The following CNTLN variants were observed in gnomAD, a reference collection of about 807,000 sequenced individuals.
CNTLN encodes centlein.
Under a neutral mutation model 180.0 loss-of-function variants are expected in CNTLN, and 212 were observed. The ratio of observed to expected loss-of-function variants is 1.18; its 90% CI spans 1.05 to 1.32. CNTLN has a LOEUF of 1.32. CNTLN is among the 40% of genes most tolerant of loss of function. The pLI is 0.00. For synonymous variants in CNTLN, 722 were observed against 563.1 expected (o/e 1.28, Z -3.99); for missense variants, 2,095 against 1,610.9 (o/e 1.30, Z -5.14).
intron 15 of CNTLN, among the ~76,000 whole-genome samples, chr9:17,404,744 T>A (rs1447785340): frequency 5.3e-5 from 8 of 150,302 alleles, no homozygotes; most frequent in Non-Finnish European, 8.9e-5. Flanking sequence ...ACAAATTTTT[T>A]TTTTTTTTTT....
At chr9:17,369,979 C>G in intron 13 of CNTLN, among the ~76,000 whole-genome samples, 1 of 148,308 alleles carries the variant, frequency 6.7e-6, no homozygotes, top group African/African-American at 2.5e-5. Context: ...AAGCGAGACT[C>G]CATCTCGAAA....
rs930417869 is a variant in CNTLN, at chr9:17,299,430, G to C, written c.1146+1078G>C. 32 of 973,104 alleles carry C rather than the reference G, an allele frequency of 3.3e-5. No individual in the cohort carries two copies. The African/African-American group carries it at 5.3e-4, about 16-fold the overall frequency. The allele number at this position is 973,104 out of a possible 1,614,324, so 60.3% of individuals were successfully genotyped here. On this transcript the variant is annotated intron_variant, in intron 7 of 25. Coordinates refer to ENST00000380647, the MANE Select transcript of CNTLN (RefSeq NM_017738.4). ...TCATATTATCCCTCTAGAATTACTG[G>C]ATTTTTACTTCTGATCTTACTTTTC...
At chr9:17,472,123 A>G (rs771587681) in intron 23 of CNTLN, among the ~76,000 whole-genome samples, 1 of 152,168 alleles carries the variant, frequency 6.6e-6, no homozygotes, top group Non-Finnish European at 1.5e-5. Context: ...TTGAAGGCAT[A>G]TGGAATATAT....
chr9:17,346,777 A>G (rs1821935905), intron 12 of CNTLN, among the ~76,000 whole-genome samples: 1 of 152,026 alleles, frequency 6.6e-6, no homozygotes, highest in African/African-American at 2.4e-5. Flanking sequence ...AATTTGGGAA[A>G]TTTTTGTCAT....
chr9:17,191,741 G>T (rs1264020556), intron 2 of CNTLN, among the ~76,000 whole-genome samples: 2 of 152,160 alleles, frequency 1.3e-5, no homozygotes, highest in Non-Finnish European at 1.5e-5. Flanking sequence ...CTGAAAATAT[G>T]AAGAGAAATA....
chr9:17,463,103 T>A (rs1273328893), intron 20 of CNTLN, 90 bp downstream of exon 20: 1 of 693,054 alleles, frequency 1.4e-6, no homozygotes, highest in Admixed American at 3.0e-5. Context: ...TGCTAATGTT[T>A]ACGTTTTCCT....
intron 12 of CNTLN, among the ~76,000 whole-genome samples, chr9:17,363,965 T>C (rs1224430251): frequency 6.6e-6 from 1 of 152,196 alleles, no homozygotes; most frequent in African/African-American, 2.4e-5. Context: ...TTTGTTGATA[T>C]GAGAACTCTG....
rs764045613 is a variant in CNTLN at position 17,226,262 on chromosome 9, A to G, written c.509A>G (p.Asp170Gly). ...RKVLEILQVKDAKIQEFEQRE... is the reference protein window; with the variant it reads ...RKVLEILQVKGAKIQEFEQRE... ...GTTCTAGAAATTCTGCAAGTCAAGG[A>G]TGCCAAAATACAAGAATTTGAACAG... The change falls in exon 3 of 26, where the codon GAT becomes GGT. Residue 170 changes from aspartate to glycine, a missense_variant. Coordinates refer to ENST00000380647, the MANE Select transcript of CNTLN (RefSeq NM_017738.4). The G allele has an allele frequency of 1.3e-6, 2 of 1,576,830 alleles. No homozygotes were observed. Among genetic ancestry groups the G allele is most frequent in the Non-Finnish European group, 1.7e-6 (2 of 1,162,452 alleles).
Position 17,366,655 on chromosome 9 carries a change from A to C in CNTLN, c.1925A>C (p.His642Pro), listed in dbSNP as rs200866850. 1.9e-6 allele frequency: 3 copies of C among 1,584,824 alleles called. No homozygotes were observed. Among genetic ancestry groups the C allele is most frequent in the Non-Finnish European group, 2.6e-6 (3 of 1,159,216 alleles). Residue 642 changes from histidine to proline, a missense_variant, in exon 13 of 26, where the codon CAT becomes CCT. Physicochemically the swap from His to Pro is moderately conservative, Grantham distance 77. Transcript: ENST00000380647. ...GAAGAATTAGATGAACTTAAAGTACATATATCTATTGATAAGGCAGCAATA... is the reference window on the plus strand; with the variant it reads ...GAAGAATTAGATGAACTTAAAGTACCTATATCTATTGATAAGGCAGCAATA... ...LEEELDELKVHISIDKAAIQE... is the reference protein window; with the variant it reads ...LEEELDELKVPISIDKAAIQE...
the CNTLN span, among the ~76,000 whole-genome samples, chr9:17,509,509 G>A: frequency 8.2e-3 from 1,247 of 152,314 alleles, 9 homozygotes; most frequent in African/African-American, 0.029. Context: ...CAATGGGCCT[G>A]TGCTCATGAA....
At chr9:17,233,209 T>G (rs1824919942) in intron 3 of CNTLN, among the ~76,000 whole-genome samples, 1 of 152,102 alleles carries the variant, frequency 6.6e-6, no homozygotes, top group Non-Finnish European at 1.5e-5. Flanking sequence ...ACATTTTACT[T>G]CATGACCCAT....
chr9:17,402,184 G>C (rs559912975), intron 15 of CNTLN, among the ~76,000 whole-genome samples: 3 of 151,930 alleles, frequency 2.0e-5, no homozygotes, highest in African/African-American at 7.3e-5. Flanking sequence ...CTGGGAAGAG[G>C]CTGCAGCAGT....
intron 2 of CNTLN, among the ~76,000 whole-genome samples, chr9:17,147,630 G>T (rs2131475504): frequency 6.6e-6 from 1 of 151,750 alleles, no homozygotes; most frequent in Non-Finnish European, 1.5e-5. Context: ...TGCTGCTGTT[G>T]TTTCCCATGC....
intron 7 of CNTLN, chr9:17,301,339 T>G: frequency 1.0e-6 from 1 of 985,372 alleles, no homozygotes. Context: ...CTTCCAAGAA[T>G]CATTATAGAA....
chr9:17,271,533 A>C (rs1827944608), intron 5 of CNTLN, among the ~76,000 whole-genome samples: 1 of 152,178 alleles, frequency 6.6e-6, no homozygotes, highest in South Asian at 2.1e-4. Flanking sequence ...AACTTGTTCT[A>C]GTATTTTCTA....
At chr9:17,215,358 A>C (rs1823664414) in intron 2 of CNTLN, among the ~76,000 whole-genome samples, 1 of 152,248 alleles carries the variant, frequency 6.6e-6, no homozygotes, top group Non-Finnish European at 1.5e-5. Context: ...CGGAGGCTGC[A>C]GAACAGCGAA....
At chr9:17,453,367 T>G (rs192175205) in intron 18 of CNTLN, among the ~76,000 whole-genome samples, 1 of 152,222 alleles carries the variant, frequency 6.6e-6, no homozygotes, top group East Asian at 1.9e-4. Context: ...GAATACAAAA[T>G]TATGGATAAA....
the CNTLN span, among the ~76,000 whole-genome samples, chr9:17,522,880 C>A: frequency 0.011 from 1,659 of 151,778 alleles, 19 homozygotes; most frequent in Non-Finnish European, 0.018. Flanking sequence ...TTCCTGTCTA[C>A]TTCTCCAAGT....
intron 13 of CNTLN, among the ~76,000 whole-genome samples, chr9:17,380,363 C>G (rs1022963442): frequency 1.3e-5 from 2 of 152,138 alleles, no homozygotes; most frequent in South Asian, 4.1e-4. Flanking sequence ...TCGAGAAACA[C>G]CTAAGCAAGC....
Sources: allele counts gnomAD v4.1 joint callset (sites outside exome capture counted in the v4.1 genomes callset), GRCh38; gene constraint gnomAD v4.1.1; transcripts MANE v1.5; gene names NCBI Gene and HGNC (gene_info 2026-07-23, HGNC 2026-07-21).